Variants in SH3BGRL3 observed in about 807,000 individuals in gnomAD.
SH3BGRL3 encodes SH3 domain-binding glutamic acid-rich-like protein 3.
A neutral mutation model predicts 11.9 loss-of-function variants in SH3BGRL3; 8 were observed. The observed-to-expected ratio is 0.67, with a 90% CI of 0.40 to 1.22. SH3BGRL3 has a LOEUF of 1.22. Among genes scored for constraint, SH3BGRL3 ranks in the 50% most tolerant of loss-of-function variants. The pLI, the probability that SH3BGRL3 is intolerant of heterozygous loss-of-function variation, is 0.01. For missense variants in SH3BGRL3, 119 were observed against 120.1 expected (o/e 0.99, Z 0.04); for synonymous variants, 55 against 52.3 (o/e 1.05, Z -0.22).
rs1055602552 is a variant in SH3BGRL3 at position 26,280,185 on chromosome 1, G to T, written c.30G>T (p.Ser10=). MSGLRVYST[S]VTGSREIKSQ... is the part of the protein sequence containing the mutation. Reference sequence around the variant, plus strand: ...GCGGCCTGCGCGTCTACAGCACGTCGGTCACCGGCTCCCGCGAAGTAAGTG... The same window carrying T: ...GCGGCCTGCGCGTCTACAGCACGTCTGTCACCGGCTCCCGCGAAGTAAGTG... The change falls in exon 1 of 3, where the codon TCG becomes TCT. Residue 10 remains serine, a synonymous_variant. Transcript: ENST00000270792. The T allele has an allele frequency of 2.6e-6, 4 of 1,555,624 alleles. No homozygotes were observed. The highest frequency in any genetic ancestry group is 2.6e-6 in the Non-Finnish European group (3 of 1,154,152).
In SH3BGRL3 at chr1:26,280,102, G is replaced by A. The variant is rs922955811; in HGVS notation, c.-54G>A. ...GGCGGCGGCGTCGTCTCCCGGCAGT[G>A]CAGCTGCCGCTACCGCCGCCCTCTG... On this transcript the variant is annotated 5_prime_UTR_variant, in exon 1 of 3. Transcript: ENST00000270792. The A allele has an allele frequency of 1.9e-6, 3 of 1,542,304 alleles. No homozygotes were observed. In the Admixed American group the frequency reaches 5.9e-5, roughly 30 times the overall value.
In SH3BGRL3 at chr1:26,280,233, G is replaced by A. The variant is rs528813040; in HGVS notation, c.48+30G>A. ...GTGCGCGCCCGGACTGGCGCTGGGG[G>A]AAAGCGCAGGGCTGTATCCCGGTGC... On this transcript the variant is annotated intron_variant, in intron 1 of 2. Transcript: ENST00000270792. 2.4e-4 allele frequency: 353 copies of A among 1,495,212 alleles called. 6 individuals are homozygous for A. The South Asian group carries it at 4.0e-3, about 17-fold the overall frequency. 92.6% of individuals were successfully genotyped at this position (1,495,212 alleles called of 1,614,324 possible). A position where few individuals can be genotyped will look rare whatever the true frequency, so the allele number is the denominator to read the frequency against.
rs2072976762 is a variant in SH3BGRL3, at chr1:26,281,085, G to A, written c.244G>A (p.Glu82Lys). The change falls in exon 3 of 3, where the codon GAA becomes AAA. Residue 82 changes from glutamate to lysine, a missense_variant. Physicochemically the swap from Glu to Lys is moderately conservative, Grantham distance 56 (BLOSUM62 1). Coordinates refer to ENST00000270792, the MANE Select transcript of SH3BGRL3 (RefSeq NM_031286.4). Reference sequence around the variant, plus strand: ...CTATGAGCTCTTCGTGGAGGCTGTGGAACAAAACACGCTGCAGGAGTTCCT... The same window carrying A: ...CTATGAGCTCTTCGTGGAGGCTGTGAAACAAAACACGCTGCAGGAGTTCCT... ...GDYELFVEAV[E>K]QNTLQEFLKL... 6.2e-7 allele frequency: 1 copy of A among 1,613,972 alleles called. No homozygotes were observed. Among genetic ancestry groups the A allele is most frequent in the Non-Finnish European group, 8.5e-7 (1 of 1,179,956 alleles).
rs575552240 is a variant in SH3BGRL3 at position 26,281,434 on chromosome 1, T to C, written c.*311T>C. The C allele has an allele frequency of 1.5e-4, 46 of 311,750 alleles. No individual in the cohort carries two copies. Among genetic ancestry groups the C allele is most frequent in the African/African-American group, 9.7e-4 (46 of 47,610 alleles). The allele number at this position is 311,750 out of a possible 1,614,324, so 19.3% of individuals were successfully genotyped here. Reference sequence around the variant, plus strand: ...CTGGCTGATGGGCACCTCTGTTGGTTCCATCAGCCAGAGCTCTGCCAAAGG... The same window carrying C: ...CTGGCTGATGGGCACCTCTGTTGGTCCCATCAGCCAGAGCTCTGCCAAAGG... On this transcript the variant is annotated 3_prime_UTR_variant, in exon 3 of 3. Transcript: ENST00000270792.
Position 26,281,284 on chromosome 1 carries a change from G to A in SH3BGRL3, c.*161G>A, listed in dbSNP as rs973500709. On this transcript the variant is annotated 3_prime_UTR_variant, in exon 3 of 3. Transcript: ENST00000270792. ...CACTTCTCCTCCCTCCTCTCTAAAT[G>A]TAGTCCCCTCTCCTCCATCTAAAGG... is the stretch of plus-strand genomic sequence containing the variant. The A allele has an allele frequency of 1.6e-6, 1 of 631,428 alleles. No individual in the cohort carries two copies. The highest frequency in any genetic ancestry group is 2.8e-6 in the Non-Finnish European group (1 of 363,052). The allele number at this position is 631,428 out of a possible 1,614,324, so 39.1% of individuals were successfully genotyped here.
chr1:26,281,286 A>AG lies in SH3BGRL3; in HGVS notation c.*164dup. On this transcript the variant is annotated 3_prime_UTR_variant, in exon 3 of 3. Transcript: ENST00000270792. The stretch of plus-strand genomic sequence containing the variant: ...CTTCTCCTCCCTCCTCTCTAAATGT[A>AG]GTCCCCTCTCCTCCATCTAAAGGCA... 1.6e-6 allele frequency: 1 copy of AG among 625,746 alleles called. No individual in the cohort carries two copies. The highest frequency in any genetic ancestry group is 2.8e-6 in the Non-Finnish European group (1 of 358,706). The allele number at this position is 625,746 out of a possible 1,614,324, so 38.8% of individuals were successfully genotyped here. A position where few individuals can be genotyped will look rare whatever the true frequency, so the allele number is the denominator to read the frequency against.
In SH3BGRL3 at chr1:26,281,346, A is replaced by G. The variant is rs1184137590; in HGVS notation, c.*223A>G. ...ACCCATTAGTCTCAGAAATTGTCTT[A>G]AGCAACAGCCCCAAATGCTGGCTGC... On this transcript the variant is annotated 3_prime_UTR_variant, in exon 3 of 3. Coordinates refer to ENST00000270792, the MANE Select transcript of SH3BGRL3 (RefSeq NM_031286.4). 2.0e-6 allele frequency: 1 copy of G among 506,202 alleles called. No individual in the cohort carries two copies. Among genetic ancestry groups the G allele is most frequent in the African/African-American group, 1.9e-5 (1 of 52,350 alleles). 31.4% of individuals were successfully genotyped at this position (506,202 alleles called of 1,614,324 possible).
chr1:26,280,298 G>T, intron 1 of SH3BGRL3, 95 bp downstream of exon 1: 1 of 1,374,804 alleles, frequency 7.3e-7, no homozygotes, highest in South Asian at 1.6e-5. Flanking sequence ...CAGGACGGGG[G>T]CGGGGTGGGG....
In SH3BGRL3 at chr1:26,280,100, G is replaced by A; in HGVS notation, c.-56G>A. Reference sequence around the variant, plus strand: ...ACGGCGGCGGCGTCGTCTCCCGGCAGTGCAGCTGCCGCTACCGCCGCCCTC... The same window carrying A: ...ACGGCGGCGGCGTCGTCTCCCGGCAATGCAGCTGCCGCTACCGCCGCCCTC... On this transcript the variant is annotated 5_prime_UTR_variant, in exon 1 of 3. It adds an upstream start codon to the 5' untranslated region. Transcript: ENST00000270792. 1.3e-6 allele frequency: 2 copies of A among 1,542,882 alleles called. No homozygotes were observed. Among genetic ancestry groups the A allele is most frequent in the Middle Eastern group, 1.7e-4 (1 of 5,780 alleles).
chr1:26,280,842 G>T lies in SH3BGRL3; in HGVS notation c.126G>T (p.Gln42His), dbSNP rs1173177597. ...AATACCAGCTAGTGGACATCTCCCA[G>T]GACAACGCCCTGAGGGATGAGATGC... ...RIQYQLVDIS[Q>H]DNALRDEMRA... The change falls in exon 2 of 3, where the codon CAG (glutamine) becomes CAT (histidine). Residue 42 changes from glutamine (Q) to histidine (H), a missense_variant. By Grantham distance (24) the Gln-to-His change is conservative (BLOSUM62 0). Coordinates refer to ENST00000270792, the MANE Select transcript of SH3BGRL3 (RefSeq NM_031286.4). The T allele has an allele frequency of 6.2e-7, 1 of 1,614,008 alleles. No individual in the cohort carries two copies. Among genetic ancestry groups the T allele is most frequent in the South Asian group, 1.1e-5 (1 of 91,088 alleles).
rs1557676245 is a variant in SH3BGRL3, at chr1:26,281,168, T to TC, written c.*51dup. 2 of 1,583,576 alleles carry TC rather than the reference T, an allele frequency of 1.3e-6. No homozygotes were observed. Among genetic ancestry groups the TC allele is most frequent in the Non-Finnish European group, 1.7e-6 (2 of 1,158,692 alleles). ...CCCCTGCTGGACTCCATCACCACAC[T>TC]CCCCCCAGCCTTCACCTGGCCATGA... On this transcript the variant is annotated 3_prime_UTR_variant, in exon 3 of 3. Coordinates refer to ENST00000270792, the MANE Select transcript of SH3BGRL3 (RefSeq NM_031286.4).
At chr1:26,280,614 C>T (rs2124624762) in intron 1 of SH3BGRL3, 151 bp from the exon 2 acceptor site, 3 of 876,176 alleles carry the variant, frequency 3.4e-6, no homozygotes, top group Non-Finnish European at 5.2e-6. Context: ...CTGACTCATC[C>T]TCCCAACTCC....
chr1:26,280,293 C>G, intron 1 of SH3BGRL3, 90 bp downstream of exon 1: 3 of 1,384,098 alleles, frequency 2.2e-6, no homozygotes, highest in Non-Finnish European at 2.8e-6. Flanking sequence ...ACCCCCAGGA[C>G]GGGGGCGGGG....
chr1:26,281,248 C>G lies in SH3BGRL3; in HGVS notation c.*125C>G. On this transcript the variant is annotated 3_prime_UTR_variant, in exon 3 of 3. Coordinates refer to ENST00000270792, the MANE Select transcript of SH3BGRL3 (RefSeq NM_031286.4). ...CTAACCTAACCTTAGAGTCCCTCCC[C>G]CAATGCAGGCCACTTCTCCTCCCTC... The G allele has an allele frequency of 1.2e-6, 1 of 810,460 alleles. No individual in the cohort carries two copies. 50.2% of individuals were successfully genotyped at this position (810,460 alleles called of 1,614,324 possible).
rs1486399624 is a variant in SH3BGRL3 at position 26,280,909 on chromosome 1, G to A, written c.193G>A (p.Val65Ile). 2 of 1,564,502 alleles carry A rather than the reference G, an allele frequency of 1.3e-6. No individual in the cohort carries two copies. The highest frequency in any genetic ancestry group is 2.4e-5 in the East Asian group (1 of 41,486). ...GNPKATPPQI[V>I]NGDQYCGDYE... ...CCCCAAGGCCACCCCACCCCAGATT[G>A]TCAACGGGGACCAGTACTGTGGGGT... Residue 65 changes from valine (V) to isoleucine (I), a missense_variant, in exon 2 of 3, where the codon GTC becomes ATC. Coordinates refer to ENST00000270792, the MANE Select transcript of SH3BGRL3 (RefSeq NM_031286.4).
chr1:26,280,265 C>T (rs2072952271), intron 1 of SH3BGRL3, 62 bp downstream of exon 1: 68 of 1,428,556 alleles, frequency 4.8e-5, no homozygotes, highest in Non-Finnish European at 6.1e-5. Context: ...GTGCTTTGGA[C>T]CCTAGCGCCC....
Position 26,280,841 on chromosome 1 carries a change from A to G in SH3BGRL3, c.125A>G (p.Gln42Arg), listed in dbSNP as rs755257076. The G allele has an allele frequency of 4.4e-5, 71 of 1,613,648 alleles. No individual in the cohort carries two copies. Among genetic ancestry groups the G allele is most frequent in the South Asian group, 7.7e-5 (7 of 91,070 alleles). The change falls in exon 2 of 3, where the codon CAG (glutamine) becomes CGG (arginine). Residue 42 changes from glutamine to arginine, a missense_variant. Transcript: ENST00000270792. ...CAATACCAGCTAGTGGACATCTCCC[A>G]GGACAACGCCCTGAGGGATGAGATG... ...RIQYQLVDIS[Q>R]DNALRDEMRA...
Position 26,280,941 on chromosome 1 carries a change from T to TG in SH3BGRL3, c.216+14dup. The stretch of plus-strand genomic sequence containing the variant: ...GGGACCAGTACTGTGGGGTATGGGC[T>TG]GGGGGACGGGGGGGTGGGGGGAGTG... On this transcript the variant is annotated intron_variant, in intron 2 of 2. Coordinates refer to ENST00000270792, the MANE Select transcript of SH3BGRL3 (RefSeq NM_031286.4). 1 of 580,554 alleles carries TG rather than the reference T, an allele frequency of 1.7e-6. No homozygotes were observed. 36.0% of individuals were successfully genotyped at this position (580,554 alleles called of 1,614,324 possible). A position where few individuals can be genotyped will look rare whatever the true frequency, so the allele number is the denominator to read the frequency against.
rs376115095 is a variant in SH3BGRL3, at chr1:26,281,096, G to A, written c.255G>A (p.Thr85=). ...ELFVEAVEQN[T]LQEFLKLA Reference sequence around the variant, plus strand: ...TCGTGGAGGCTGTGGAACAAAACACGCTGCAGGAGTTCCTGAAGCTGGCTT... The same window carrying A: ...TCGTGGAGGCTGTGGAACAAAACACACTGCAGGAGTTCCTGAAGCTGGCTT... Residue 85 remains threonine, a synonymous_variant, in exon 3 of 3, where the codon ACG becomes ACA. Coordinates refer to ENST00000270792, the MANE Select transcript of SH3BGRL3 (RefSeq NM_031286.4). 2.4e-5 allele frequency: 39 copies of A among 1,613,788 alleles called. No homozygotes were observed. Among genetic ancestry groups the A allele is most frequent in the African/African-American group, 1.6e-4 (12 of 74,868 alleles).
Sources: gnomAD v4.1 joint callset for allele counts on GRCh38, gnomAD v4.1.1 for gene constraint, MANE v1.5 for transcripts, NCBI Gene and HGNC (gene_info 2026-07-23, HGNC 2026-07-21) for gene names.